Variants in RBFOX3 observed in about 807,000 individuals in gnomAD.
RBFOX3 encodes RNA binding fox-1 homolog 3.
A neutral mutation model predicts 48.7 loss-of-function variants in RBFOX3; 17 were observed. The observed-to-expected ratio is 0.35, with a 90% CI of 0.24 to 0.52. RBFOX3 has a LOEUF of 0.52. Among genes scored for constraint, RBFOX3 ranks in the 20% least tolerant of loss-of-function variants. RBFOX3 has a pLI of 0.94. For missense variants in RBFOX3, 382 were observed against 497.5 expected, an observed-to-expected ratio of 0.77 and a Z score of 2.21; for synonymous variants, 212 against 209.5, an observed-to-expected ratio of 1.01 and a Z score of -0.10.
intron 1 of RBFOX3, among the ~76,000 whole-genome samples, chr17:79,561,407 C>T (rs2092206429): frequency 6.6e-6 from 1 of 152,130 alleles, no homozygotes; most frequent in Admixed American, 6.5e-5. Context: ...CTGCTCCAGT[C>T]ACCCCCAAGG....
At chr17:79,228,013 C>T (rs1476754568) in intron 4 of RBFOX3, among the ~76,000 whole-genome samples, 5 of 152,180 alleles carry the variant, frequency 3.3e-5, no homozygotes, top group Admixed American at 2.0e-4. Flanking sequence ...CAATGTAAGG[C>T]CTGCAGGGTC....
At chr17:79,275,164 A>G (rs1002924545) in intron 3 of RBFOX3, among the ~76,000 whole-genome samples, 1 of 85,032 alleles carries the variant, frequency 1.2e-5, no homozygotes, top group East Asian at 4.0e-4. Flanking sequence ...CTCCCTCCCT[A>G]TCTCTCTCCC....
At chr17:79,306,265 G>A (rs1205833704) in intron 3 of RBFOX3, among the ~76,000 whole-genome samples, 1 of 152,260 alleles carries the variant, frequency 6.6e-6, no homozygotes, top group Non-Finnish European at 1.5e-5. Context: ...GAAAATAAAC[G>A]AGACGGGGCT....
At chr17:79,280,607 C>T (rs565031616) in intron 3 of RBFOX3, among the ~76,000 whole-genome samples, 8 of 152,314 alleles carry the variant, frequency 5.3e-5, no homozygotes, top group East Asian at 3.9e-4. Flanking sequence ...GAGGAGAACA[C>T]GCTGATTCAG....
At chr17:79,124,674 G>A (rs909676908) in intron 4 of RBFOX3, among the ~76,000 whole-genome samples, 1 of 152,248 alleles carries the variant, frequency 6.6e-6, no homozygotes, top group Non-Finnish European at 1.5e-5. Context: ...GGGTGGCCAG[G>A]GCTGGCCTTG....
intron 1 of RBFOX3, among the ~76,000 whole-genome samples, chr17:79,605,713 C>A (rs1488936921): frequency 1.3e-5 from 2 of 152,186 alleles, no homozygotes; most frequent in African/African-American, 4.8e-5. Flanking sequence ...GGAATATGTT[C>A]TGAGCACAAA....
At chr17:79,415,604 C>T (rs968945861) in intron 2 of RBFOX3, among the ~76,000 whole-genome samples, 2 of 152,226 alleles carry the variant, frequency 1.3e-5, no homozygotes, top group Non-Finnish European at 2.9e-5. Flanking sequence ...CCTGGGGCCA[C>T]CAGGGCGGGC....
At chr17:79,536,073 C>A (rs2088686706) in intron 1 of RBFOX3, among the ~76,000 whole-genome samples, 1 of 152,152 alleles carries the variant, frequency 6.6e-6, no homozygotes, top group Non-Finnish European at 1.5e-5. Context: ...GAGCTGCAAT[C>A]CCCATGGCCA....
At position 79,504,782 on chromosome 17, in the gene RBFOX3, T is replaced by C. The variant is rs897096555; in HGVS notation, c.-319-22184A>G. Among the ~76,000 whole-genome samples, 1,503 of 152,278 alleles carry C rather than the reference T, an allele frequency of 9.9e-3. 12 individuals are homozygous for C. The highest frequency in any genetic ancestry group is 0.015 in the Non-Finnish European group (1,005 of 68,014). ...ACCTACAAAGTCTGCCTTTGACATA[T>C]AAAGTAACATCCATCGGCTCTGCAG... is the stretch of plus-strand genomic sequence containing the variant. On this transcript the variant is annotated intron_variant, in intron 1 of 14. Coordinates refer to ENST00000693108, the MANE Select transcript of RBFOX3 (RefSeq NM_001350451.2).
At chr17:79,416,646 A>G (rs1339865725) in intron 2 of RBFOX3, among the ~76,000 whole-genome samples, 2 of 152,298 alleles carry the variant, frequency 1.3e-5, no homozygotes, top group South Asian at 2.1e-4. Flanking sequence ...CTGCAGGAGA[A>G]GTGGAGGCCG....
At chr17:79,379,750 A>T (rs879496360) in intron 2 of RBFOX3, among the ~76,000 whole-genome samples, 1 of 151,992 alleles carries the variant, frequency 6.6e-6, no homozygotes, top group Non-Finnish European at 1.5e-5. Flanking sequence ...CTTCCCTCAC[A>T]TCCAATTCCC....
the RBFOX3 span, among the ~76,000 whole-genome samples, chr17:79,624,613 C>T: frequency 3.3e-5 from 5 of 152,190 alleles, no homozygotes; most frequent in Non-Finnish European, 7.3e-5. Context: ...TGCCTAGCAC[C>T]ACCTCAGTCC....
At chr17:79,352,354 G>A (rs1237225104) in intron 2 of RBFOX3, among the ~76,000 whole-genome samples, 3 of 152,180 alleles carry the variant, frequency 2.0e-5, no homozygotes, top group East Asian at 3.8e-4. Flanking sequence ...AGATGTGCCT[G>A]CTTCCTCTTT....
intron 2 of RBFOX3, among the ~76,000 whole-genome samples, chr17:79,452,297 G>C (rs1555742152): frequency 6.6e-6 from 1 of 152,136 alleles, no homozygotes; most frequent in Non-Finnish European, 1.5e-5. Flanking sequence ...CAGGATGGAG[G>C]CCCACCCTGT....
intron 1 of RBFOX3, among the ~76,000 whole-genome samples, chr17:79,557,972 T>C (rs1409062802): frequency 1.3e-5 from 2 of 151,818 alleles, no homozygotes; most frequent in African/African-American, 4.8e-5. Flanking sequence ...CCCAAGTAAA[T>C]TGAGATTCAG....
rs2058712861 is a variant in RBFOX3, at chr17:79,214,095, G to T, written c.-34+21671C>A. ...TGGCGCCGCCCAGCTCTGGTAGGAG[G>T]GACTGAAATAAATGGAGTCAAGTGA... On this transcript the variant is annotated intron_variant, in intron 4 of 14. Transcript: ENST00000693108. The surrounding 1 kb of genome is among the most constrained non-coding windows in gnomAD (Gnocchi z 4.7). Among the ~76,000 whole-genome samples, 1 of 152,096 alleles carries T rather than the reference G, an allele frequency of 6.6e-6. No homozygotes were observed. Among genetic ancestry groups the T allele is most frequent in the South Asian group, 2.1e-4 (1 of 4,834 alleles).
chr17:79,415,338 C>T (rs528444725), intron 2 of RBFOX3, among the ~76,000 whole-genome samples: 61 of 152,320 alleles, frequency 4.0e-4, no homozygotes, highest in African/African-American at 1.4e-3. Context: ...AAGTGTGGGG[C>T]TAAATACTCC....
intron 3 of RBFOX3, among the ~76,000 whole-genome samples, chr17:79,255,693 G>T (rs1362955618): frequency 6.6e-6 from 1 of 152,028 alleles, no homozygotes; most frequent in African/African-American, 2.4e-5. Context: ...GCAGCACTGG[G>T]CCTGGCCTCC....
Position 79,241,182 on chromosome 17 carries a change from T to C in RBFOX3, c.-73-5377A>G, listed in dbSNP as rs577999037. Among the ~76,000 whole-genome samples, 26 of 151,838 alleles carry C rather than the reference T, an allele frequency of 1.7e-4. No individual in the cohort carries two copies. In the South Asian group the frequency reaches 1.9e-3, roughly 11 times the overall value. ...ATCTGTCTATCTATTTAATCTTTTT[T>C]TTTTTTTTTAGTAGAGATGGGAGGT... On this transcript the variant is annotated intron_variant, in intron 3 of 14. Coordinates refer to ENST00000693108, the MANE Select transcript of RBFOX3 (RefSeq NM_001350451.2).
Sources: allele counts gnomAD v4.1 joint callset (sites outside exome capture counted in the v4.1 genomes callset), GRCh38; gene constraint gnomAD v4.1.1; non-coding constraint Gnocchi (gnomAD v3.1); transcripts MANE v1.5; gene names NCBI Gene and HGNC (gene_info 2026-07-23, HGNC 2026-07-21).